OVOL2: variants seen among roughly 807,000 people sequenced by gnomAD.
The protein encoded by OVOL2 is ovo like zinc finger 2.
A neutral mutation model predicts 18.1 loss-of-function variants in OVOL2; 13 were observed. The ratio of observed to expected loss-of-function variants is 0.72; its 90% CI spans 0.47 to 1.14. The LOEUF is 1.14. OVOL2 is among the 50% of genes most tolerant of loss of function. The pLI is 0.00. For missense variants in OVOL2, 335 were observed against 383.0 expected, an observed-to-expected ratio of 0.87 and a Z score of 1.05; for synonymous variants, 166 against 162.7, an observed-to-expected ratio of 1.02 and a Z score of -0.16.
chr20:18,055,766 G>A (rs575325153), intron 2 of OVOL2, among the ~76,000 whole-genome samples: 1 of 152,242 alleles, frequency 6.6e-6, no homozygotes, highest in African/African-American at 2.4e-5. Context: ...TGCACCGGGG[G>A]TCTAGGGGGT....
At chr20:18,057,944 A>C, upstream of OVOL2, 10 of 1,132,796 alleles carry the variant, frequency 8.8e-6, no homozygotes, top group Non-Finnish European at 7.7e-6. This position sits in a 1 kb window ranked among gnomAD's most constrained non-coding sequence, Gnocchi z 6.3. Context: ...CTGCAACATA[A>C]CGGTGTCAAC....
At chr20:18,041,429 CACA>C in intron 3 of OVOL2, 102 bp downstream of exon 3, 1 of 1,343,524 alleles carries the variant, frequency 7.4e-7, no homozygotes, top group Non-Finnish European at 1.0e-6. Context: ...TTTCTAGAAA[CACA>C]ACATTGTTCC....
At position 18,057,374 on chromosome 20, in the gene OVOL2, C is replaced by T. The variant is rs1253773061; in HGVS notation, c.100+161G>A. Among the ~76,000 whole-genome samples, 1 of 152,150 alleles carries T rather than the reference C, an allele frequency of 6.6e-6. No homozygotes were observed. Among genetic ancestry groups the T allele is most frequent in the Non-Finnish European group, 1.5e-5 (1 of 68,020 alleles). ...GCCTAGAGTCTGGGGCATCCCAGTC[C>T]CTCATTGCCTGCCCTAACCCGCCTA... On this transcript the variant is annotated intron_variant, in intron 1 of 3. Coordinates refer to ENST00000278780, the MANE Select transcript of OVOL2 (RefSeq NM_021220.4). The surrounding 1 kb of genome is among the most constrained non-coding windows in gnomAD (Gnocchi z 6.3).
intron 3 of OVOL2, 70 bp downstream of exon 3, chr20:18,041,464 G>A: frequency 2.0e-6 from 3 of 1,523,674 alleles, no homozygotes; most frequent in East Asian, 2.3e-5. Context: ...CTGGTTTTTT[G>A]GTGGGAAAGA....
intron 2 of OVOL2, among the ~76,000 whole-genome samples, chr20:18,042,447 T>C (rs2036680994): frequency 6.6e-6 from 1 of 152,062 alleles, no homozygotes; most frequent in East Asian, 1.9e-4. Context: ...GAGCGAGTTC[T>C]TACTCTCATC....
At chr20:18,043,903 A>T (rs1016755240) in intron 2 of OVOL2, among the ~76,000 whole-genome samples, 2 of 152,150 alleles carry the variant, frequency 1.3e-5, no homozygotes, top group Non-Finnish European at 2.9e-5. Context: ...GATGGATCCC[A>T]TTGCTCTGCC....
At chr20:18,037,068 G>A (rs962056234) in intron 3 of OVOL2, among the ~76,000 whole-genome samples, 6 of 150,614 alleles carry the variant, frequency 4.0e-5, no homozygotes, top group Admixed American at 6.6e-5. Flanking sequence ...CCTGGGAGGC[G>A]GAGCTTGCAG....
intron 3 of OVOL2, among the ~76,000 whole-genome samples, chr20:18,030,369 T>C (rs2036557018): frequency 6.6e-6 from 1 of 152,154 alleles, no homozygotes; most frequent in South Asian, 2.1e-4. Context: ...CCGACTACTG[T>C]TTTAAAACAT....
At position 18,030,851 on chromosome 20, in the gene OVOL2, C is replaced by T. The variant is rs983445091; in HGVS notation, c.512-5899G>A. Among the ~76,000 whole-genome samples the T allele has an allele frequency of 6.6e-5, 10 of 152,172 alleles. 1 individual carries two copies. The East Asian group carries it at 1.2e-3, about 18-fold the overall frequency. The stretch of plus-strand genomic sequence containing the variant: ...ATTTGCTAGTGTAAACGCCACCATT[C>T]ACCCCTCATTCACTGGTGCGGGCAC... On this transcript the variant is annotated intron_variant, in intron 3 of 3. Transcript: ENST00000278780.
intron 2 of OVOL2, among the ~76,000 whole-genome samples, chr20:18,055,981 C>A (rs938618678): frequency 1.5e-4 from 23 of 152,190 alleles, no homozygotes; most frequent in African/African-American, 5.3e-4. Flanking sequence ...CCCCGAGGCG[C>A]GACCATAGAT....
Position 18,054,781 on chromosome 20 carries a change from AAG to A in OVOL2, c.321+1874_321+1875del, listed in dbSNP as rs1491016561. Among the ~76,000 whole-genome samples the A allele has an allele frequency of 2.4e-4, 33 of 136,310 alleles. 1 individual carries two copies. The highest frequency in any genetic ancestry group is 7.0e-4 in the South Asian group (3 of 4,278). 89.4% of individuals were successfully genotyped at this position (136,310 alleles called of 152,430 possible). A position where few individuals can be genotyped will look rare whatever the true frequency, so the allele number is the denominator to read the frequency against. The stretch of plus-strand genomic sequence containing the variant: ...AACTCCATCTCAAAAAAAAAAAAAA[AAG>A]AAAGAAAAGAAAAGAAAAGAAAAGA... On this transcript the variant is annotated intron_variant, in intron 2 of 3. Transcript: ENST00000278780.
chr20:18,025,862 T>C (rs1001009286), intron 3 of OVOL2, among the ~76,000 whole-genome samples: 2 of 152,156 alleles, frequency 1.3e-5, no homozygotes, highest in African/African-American at 4.8e-5. Context: ...TGGTTTTGAT[T>C]CTCCATCCCC....
rs552093335 is a variant in OVOL2, at chr20:18,028,521, G to A, written c.512-3569C>T. 2.0e-3 allele frequency among the ~76,000 whole-genome samples: 301 copies of A among 152,072 alleles called. 1 individual carries two copies. Among genetic ancestry groups the A allele is most frequent in the African/African-American group, 6.6e-3 (274 of 41,510 alleles). ...AAAATATAAAAAATAGGCTGGGTGCGGTGGCTCACGCTTGTAATCCTAGCA... is the reference window on the plus strand; with the variant it reads ...AAAATATAAAAAATAGGCTGGGTGCAGTGGCTCACGCTTGTAATCCTAGCA... On this transcript the variant is annotated intron_variant, in intron 3 of 3. Coordinates refer to ENST00000278780, the MANE Select transcript of OVOL2 (RefSeq NM_021220.4).
At chr20:18,052,920 C>T (rs778375507) in intron 2 of OVOL2, among the ~76,000 whole-genome samples, 9 of 152,190 alleles carry the variant, frequency 5.9e-5, no homozygotes, top group East Asian at 1.9e-4. Context: ...TTCTCTACCC[C>T]GCAGCTGAAG....
At chr20:18,048,690 G>A (rs1034499080) in intron 2 of OVOL2, among the ~76,000 whole-genome samples, 7 of 152,174 alleles carry the variant, frequency 4.6e-5, no homozygotes, top group African/African-American at 1.2e-4. Flanking sequence ...CCGAGTGACA[G>A]AGAGAGACCC....
chr20:18,051,759 G>T (rs2036773127), intron 2 of OVOL2, among the ~76,000 whole-genome samples: 1 of 152,152 alleles, frequency 6.6e-6, no homozygotes, highest in African/African-American at 2.4e-5. Context: ...TTGAGACAGG[G>T]TCTCGCTCTG....
chr20:18,034,878 G>A (rs73094965), intron 3 of OVOL2, among the ~76,000 whole-genome samples: 15,084 of 152,022 alleles, frequency 0.099, 965 homozygotes, highest in South Asian at 0.2. Context: ...TGGGGGAGTC[G>A]GGGGTGGTGC....
At chr20:18,043,113 G>C (rs549416173) in intron 2 of OVOL2, among the ~76,000 whole-genome samples, 1 of 152,220 alleles carries the variant, frequency 6.6e-6, no homozygotes, top group South Asian at 2.1e-4. Flanking sequence ...CTGCTGACTA[G>C]AGCACCAACA....
chr20:18,025,505 G>T (rs995316396), intron 3 of OVOL2, among the ~76,000 whole-genome samples: 4 of 152,116 alleles, frequency 2.6e-5, no homozygotes, highest in African/African-American at 4.8e-5. Context: ...GGAGGTGGAG[G>T]TTGTAGCGAG....
Sources: allele counts gnomAD v4.1 joint callset (sites outside exome capture counted in the v4.1 genomes callset), GRCh38; gene constraint gnomAD v4.1.1; non-coding constraint Gnocchi (gnomAD v3.1); transcripts MANE v1.5; gene names NCBI Gene and HGNC (gene_info 2026-07-23, HGNC 2026-07-21).